The following TYR variants were observed in gnomAD, a reference collection of about 807,000 sequenced individuals.
TYR encodes tyrosinase, also known as LB24-AB.
A neutral mutation model predicts 51.5 loss-of-function variants in TYR; 58 were observed. That is an observed-to-expected ratio of 1.13 (90% CI 0.91 to 1.40). The LOEUF (loss-of-function observed/expected upper bound fraction) is 1.40, where lower values mean the gene tolerates loss of function less well. TYR is among the 40% of genes most tolerant of loss of function. The pLI is 0.00. For synonymous variants in TYR, 263 were observed against 235.2 expected (o/e 1.12, Z -1.08); for missense variants, 732 against 647.4 (o/e 1.13, Z -1.42).
chr11:89,246,250 G>T (rs1330584419), intron 3 of TYR, among the ~76,000 whole-genome samples: 1 of 152,186 alleles, frequency 6.6e-6, no homozygotes, highest in African/African-American at 2.4e-5. Context: ...GAAGTTCCGT[G>T]ATTATGTCCT....
At chr11:89,179,128 A>C (rs571123254) in intron 1 of TYR, among the ~76,000 whole-genome samples, 1 of 152,178 alleles carries the variant, frequency 6.6e-6, no homozygotes, top group African/African-American at 2.4e-5. Flanking sequence ...CTGGATGATT[A>C]AAAAAACAAA....
chr11:89,274,851 A>G (rs1164901284), intron 3 of TYR, among the ~76,000 whole-genome samples: 3 of 151,662 alleles, frequency 2.0e-5, no homozygotes, highest in Non-Finnish European at 4.4e-5. Context: ...GCTTTCCCCA[A>G]TTCCCCTCAC....
chr11:89,178,851 CA>C, intron 1 of TYR, 79 bp downstream of exon 1: 2 of 1,404,316 alleles, frequency 1.4e-6, no homozygotes, highest in Non-Finnish European at 2.0e-6. Context: ...ATAAACTTCT[CA>C]CCTGAACACT....
At chr11:89,241,801 A>G (rs1944198672) in intron 3 of TYR, among the ~76,000 whole-genome samples, 1 of 148,048 alleles carries the variant, frequency 6.8e-6, no homozygotes. Context: ...TACATTTTAT[A>G]TACTATATAA....
chr11:89,209,096 G>A (rs770096649), intron 2 of TYR, among the ~76,000 whole-genome samples: 4 of 152,154 alleles, frequency 2.6e-5, no homozygotes, highest in Non-Finnish European at 1.5e-5. Context: ...GTCGGACAGT[G>A]GGTGCAGCCC....
intron 2 of TYR, among the ~76,000 whole-genome samples, chr11:89,216,055 T>G (rs1333851078): frequency 1.3e-5 from 2 of 152,226 alleles, no homozygotes; most frequent in African/African-American, 4.8e-5. Context: ...TATTTATTTT[T>G]CTTTTTCATC....
At chr11:89,217,842 A>C (rs1039276872) in intron 2 of TYR, among the ~76,000 whole-genome samples, 2 of 151,918 alleles carry the variant, frequency 1.3e-5, no homozygotes, top group Non-Finnish European at 2.9e-5. Context: ...ATGTTATCCC[A>C]TTTTCTACTA....
chr11:89,194,044 T>C lies in TYR; in HGVS notation c.1036+2626T>C, dbSNP rs987958414. Reference sequence around the variant, plus strand: ...ATATTGATATAATGCTTTTATCAAATCTACTGTATATCAGTTTTTAAAATT... The same window carrying C: ...ATATTGATATAATGCTTTTATCAAACCTACTGTATATCAGTTTTTAAAATT... On this transcript the variant is annotated intron_variant, in intron 2 of 4. Transcript: ENST00000263321. Among the ~76,000 whole-genome samples, 4 of 152,312 alleles carry C rather than the reference T, an allele frequency of 2.6e-5. No individual in the cohort carries two copies. In the East Asian group the frequency reaches 7.7e-4, roughly 29 times the overall value.
rs760532651 is a variant in TYR, at chr11:89,178,241, G to T, written c.288G>T (p.Met96Ile). 3 of 1,614,166 alleles carry T rather than the reference G, an allele frequency of 1.9e-6. No homozygotes were observed. In the Admixed American group the frequency reaches 5.0e-5, roughly 27 times the overall value. Residue 96 changes from methionine (M) to isoleucine (I), a missense_variant, in exon 1 of 5, where the codon ATG becomes ATT. Transcript: ENST00000263321. ...CCTGCCAGTGCTCTGGCAACTTCAT[G>T]GGATTCAACTGTGGAAACTGCAAGT... ...NRTCQCSGNF[M>I]GFNCGNCKFG...
chr11:89,211,637 A>G (rs1767739367), intron 2 of TYR, among the ~76,000 whole-genome samples: 2 of 152,218 alleles, frequency 1.3e-5, no homozygotes, highest in African/African-American at 2.4e-5. Context: ...ACCCCAAATC[A>G]ACAGAATATA....
intron 3 of TYR, among the ~76,000 whole-genome samples, chr11:89,241,630 CTTAAG>C (rs1432004963): frequency 6.6e-6 from 1 of 151,290 alleles, no homozygotes; most frequent in Non-Finnish European, 1.5e-5. Flanking sequence ...ACCTCAAAAG[CTTAAG>C]TTATTATCAA....
intron 2 of TYR, among the ~76,000 whole-genome samples, chr11:89,206,244 T>A (rs546898278): frequency 1.3e-5 from 2 of 152,110 alleles, no homozygotes; most frequent in Non-Finnish European, 2.9e-5. Flanking sequence ...ATGACCTATA[T>A]TGAGCCTAGA....
intron 1 of TYR, among the ~76,000 whole-genome samples, chr11:89,184,352 G>C (rs1943340099): frequency 6.6e-6 from 1 of 152,134 alleles, no homozygotes; most frequent in Non-Finnish European, 1.5e-5. Context: ...GAATAAAAAT[G>C]ATTTAGTCTA....
intron 3 of TYR, among the ~76,000 whole-genome samples, chr11:89,234,571 C>T (rs533109822): frequency 7.0e-6 from 1 of 143,040 alleles, no homozygotes; most frequent in Admixed American, 6.9e-5. Flanking sequence ...ACATGCAACT[C>T]TTTCTTTCAT....
At chr11:89,206,543 T>C (rs1842548262) in intron 2 of TYR, among the ~76,000 whole-genome samples, 1 of 152,122 alleles carries the variant, frequency 6.6e-6, no homozygotes. Flanking sequence ...CAATTACAGT[T>C]GGAGAATTCA....
At chr11:89,251,692 G>A (rs1300119145) in intron 3 of TYR, among the ~76,000 whole-genome samples, 2 of 151,838 alleles carry the variant, frequency 1.3e-5, no homozygotes, top group African/African-American at 4.8e-5. Flanking sequence ...CACAGCTCCT[G>A]TACGTCAGGT....
At chr11:89,185,329 A>C (rs1943356492) in intron 1 of TYR, among the ~76,000 whole-genome samples, 1 of 152,166 alleles carries the variant, frequency 6.6e-6, no homozygotes, top group African/African-American at 2.4e-5. Flanking sequence ...TAAGTTCTAG[A>C]AATATATTCT....
chr11:89,280,613 CAATT>C (rs1944709936), intron 3 of TYR, among the ~76,000 whole-genome samples: 1 of 151,218 alleles, frequency 6.6e-6, no homozygotes, highest in Non-Finnish European at 1.5e-5. Flanking sequence ...ATATTATTCA[CAATT>C]ATTTCAGATT....
Position 89,198,093 on chromosome 11 carries a change from A to T in TYR, c.1036+6675A>T, listed in dbSNP as rs971365024. On this transcript the variant is annotated intron_variant, in intron 2 of 4. Coordinates refer to ENST00000263321, the MANE Select transcript of TYR (RefSeq NM_000372.5). The stretch of plus-strand genomic sequence containing the variant: ...GGGAAGTTTTGAAATTTTTAATGAC[A>T]TTTAAACAAGAATAGTGTGTGTATT... 3.9e-5 allele frequency among the ~76,000 whole-genome samples: 6 copies of T among 152,210 alleles called. No individual in the cohort carries two copies. In the East Asian group the frequency reaches 9.7e-4, roughly 24 times the overall value.
Sources: allele counts gnomAD v4.1 joint callset (sites outside exome capture counted in the v4.1 genomes callset), GRCh38; gene constraint gnomAD v4.1.1; transcripts MANE v1.5; gene names NCBI Gene and HGNC (gene_info 2026-07-23, HGNC 2026-07-21).